The following NPHP4 variants were observed in gnomAD, a reference collection of about 807,000 sequenced individuals.
NPHP4 encodes nephrocystin-4.
In NPHP4, 151 loss-of-function variants were observed where a neutral mutation model predicts 155.8. That is an observed-to-expected ratio of 0.97 (90% CI 0.85 to 1.11). The LOEUF is 1.11. NPHP4 is among the 50% of genes least tolerant of loss of function. The pLI is 0.00. For synonymous variants in NPHP4, 845 were observed against 816.8 expected (o/e 1.03, Z -0.59); for missense variants, 1,956 against 1,925.7 (o/e 1.02, Z -0.29).
At chr1:5,950,167 T>C (rs771875048) in intron 7 of NPHP4, among the ~76,000 whole-genome samples, 16 of 152,176 alleles carry the variant, frequency 1.1e-4, no homozygotes, top group African/African-American at 3.9e-4. Context: ...AAGACCTCTT[T>C]GACTACTGAG....
At position 5,891,713 on chromosome 1, in the gene NPHP4, T is replaced by C. The variant is rs543996510; in HGVS notation, c.2144-685A>G. Among the ~76,000 whole-genome samples the C allele has an allele frequency of 9.5e-4, 145 of 152,344 alleles. 2 individuals carry two copies. The highest frequency in any genetic ancestry group is 3.3e-3 in the African/African-American group (138 of 41,570). Reference sequence around the variant, plus strand: ...ATTTCAAAACAACATTATTTCTCTTTCTATCAATAATGGTGACAACATTCC... The same window carrying C: ...ATTTCAAAACAACATTATTTCTCTTCCTATCAATAATGGTGACAACATTCC... On this transcript the variant is annotated intron_variant, in intron 16 of 29. Coordinates refer to ENST00000378156, the MANE Select transcript of NPHP4 (RefSeq NM_015102.5).
chr1:5,949,988 C>T (rs1647654793), intron 7 of NPHP4, among the ~76,000 whole-genome samples: 2 of 152,106 alleles, frequency 1.3e-5, no homozygotes, highest in Admixed American at 1.3e-4. Context: ...AGGTTTTAAA[C>T]ACAGAAGAAA....
At chr1:5,987,001 C>T (rs1655584930) in intron 1 of NPHP4, among the ~76,000 whole-genome samples, 1 of 151,904 alleles carries the variant, frequency 6.6e-6, no homozygotes, top group Non-Finnish European at 1.5e-5. Flanking sequence ...CCCGGGGCCA[C>T]CTTAGGACAC....
intron 11 of NPHP4, among the ~76,000 whole-genome samples, chr1:5,924,288 T>A (rs997385431): frequency 1.3e-5 from 2 of 151,956 alleles, no homozygotes; most frequent in Non-Finnish European, 2.9e-5. Context: ...GGCCTCTGAA[T>A]GAGAGGATGA....
In NPHP4 at chr1:5,864,545, GC is replaced by G. The variant is rs746951543; in HGVS notation, c.3817-29del. ...TCAAGAGCGAGAGAGGCGGGTCAGA[GC>G]ACAGCCTCTCAGGATGTGCAAGCAA... On this transcript the variant is annotated intron_variant, in intron 27 of 29. Coordinates refer to ENST00000378156, the MANE Select transcript of NPHP4 (RefSeq NM_015102.5). 55 of 1,486,446 alleles carry G rather than the reference GC, an allele frequency of 3.7e-5. No individual in the cohort carries two copies. The East Asian group carries it at 1.3e-3, about 35-fold the overall frequency. The allele number at this position is 1,486,446 out of a possible 1,614,324, so 92.1% of individuals were successfully genotyped here. A position where few individuals can be genotyped will look rare whatever the true frequency, so the allele number is the denominator to read the frequency against.
chr1:5,925,885 G>A (rs1461746379), intron 11 of NPHP4, among the ~76,000 whole-genome samples: 1 of 152,200 alleles, frequency 6.6e-6, no homozygotes, highest in Non-Finnish European at 1.5e-5. Flanking sequence ...AAAGTGCTGG[G>A]ATTACAGGCG....
chr1:5,953,019 C>A (rs919464419), intron 6 of NPHP4, among the ~76,000 whole-genome samples, 183 bp from the exon 7 acceptor site: 3 of 152,164 alleles, frequency 2.0e-5, no homozygotes, highest in African/African-American at 7.2e-5. Flanking sequence ...ATACAGATTT[C>A]ATTGGCAGTC....
At position 5,905,878 on chromosome 1, in the gene NPHP4, G is replaced by A. The variant is rs1402635343; in HGVS notation, c.1612-95C>T. ...ATCTAAGGGGATTCATCGATTAATT[G>A]CCTCTGGAGGGTTGCCAGCTCTAGC... On this transcript the variant is annotated intron_variant, in intron 13 of 29. Coordinates refer to ENST00000378156, the MANE Select transcript of NPHP4 (RefSeq NM_015102.5). The surrounding 1 kb of genome is among the most constrained non-coding windows in gnomAD (Gnocchi z 4.0). 1 of 1,201,808 alleles carries A rather than the reference G, an allele frequency of 8.3e-7. No individual in the cohort carries two copies. Among genetic ancestry groups the A allele is most frequent in the African/African-American group, 1.5e-5 (1 of 65,192 alleles). 74.4% of individuals were successfully genotyped at this position (1,201,808 alleles called of 1,614,324 possible).
At chr1:5,886,062 A>G (rs1341911786) in intron 18 of NPHP4, among the ~76,000 whole-genome samples, 2 of 152,228 alleles carry the variant, frequency 1.3e-5, no homozygotes, top group African/African-American at 2.4e-5. Flanking sequence ...TTCTGAAGAT[A>G]AGATTTTAAA....
At chr1:5,887,002 G>A in intron 18 of NPHP4, 1 of 413,204 alleles carries the variant, frequency 2.4e-6, no homozygotes, top group Non-Finnish European at 4.4e-6. Flanking sequence ...TTTGAGGACT[G>A]TCCCGGAGAT....
chr1:5,965,032 C>T (rs1651217667), intron 5 of NPHP4, among the ~76,000 whole-genome samples: 1 of 146,664 alleles, frequency 6.8e-6, no homozygotes, highest in African/African-American at 2.5e-5. Context: ...CTCCTGGGCT[C>T]AGCAATCCTC....
chr1:5,988,733 G>T (rs936447351), intron 1 of NPHP4, among the ~76,000 whole-genome samples: 9 of 151,442 alleles, frequency 5.9e-5, no homozygotes, highest in African/African-American at 2.2e-4. Flanking sequence ...TGACCAGGCA[G>T]CCTGAGAGGG....
At chr1:5,938,686 C>T (rs776079639) in intron 9 of NPHP4, among the ~76,000 whole-genome samples, 18 of 152,260 alleles carry the variant, frequency 1.2e-4, no homozygotes, top group Non-Finnish European at 2.4e-4. Flanking sequence ...GCGCAGCTGG[C>T]TGCCAGCACT....
At chr1:5,946,212 T>C (rs970651293) in intron 9 of NPHP4, among the ~76,000 whole-genome samples, 4 of 152,234 alleles carry the variant, frequency 2.6e-5, no homozygotes, top group African/African-American at 9.6e-5. Context: ...ACTGCATTAT[T>C]GACTTTTTCA....
At chr1:5,974,024 G>C (rs534121150) in intron 3 of NPHP4, among the ~76,000 whole-genome samples, 7 of 152,370 alleles carry the variant, frequency 4.6e-5, no homozygotes, top group African/African-American at 1.7e-4. Context: ...AGGGCTTCCT[G>C]CAAGCTCCAG....
chr1:5,918,884 T>C (rs1310092559), intron 11 of NPHP4, among the ~76,000 whole-genome samples: 1 of 152,220 alleles, frequency 6.6e-6, no homozygotes, highest in Non-Finnish European at 1.5e-5. Flanking sequence ...AGAGAAGTTT[T>C]ATCAGACCTT....
intron 16 of NPHP4, among the ~76,000 whole-genome samples, chr1:5,893,904 T>A (rs1043761946): frequency 2.0e-5 from 3 of 152,334 alleles, no homozygotes; most frequent in African/African-American, 7.2e-5. Context: ...AGGCTCACAC[T>A]CTTGTCTTCT....
chr1:5,864,116 C>T (rs1640931942), intron 28 of NPHP4, 83 bp from the exon 29 acceptor site: 1 of 1,502,364 alleles, frequency 6.7e-7, no homozygotes, highest in African/African-American at 1.4e-5. Flanking sequence ...CCCTGAGTCT[C>T]CTGTGCACCG....
chr1:5,981,778 G>A (rs974690469), intron 2 of NPHP4, among the ~76,000 whole-genome samples: 11 of 152,086 alleles, frequency 7.2e-5, no homozygotes, highest in African/African-American at 2.7e-4. Context: ...TTGCATTCCT[G>A]CAGTAAGCCC....
Sources: gnomAD v4.1 joint callset for allele counts (sites outside exome capture counted in the v4.1 genomes callset) on GRCh38, gnomAD v4.1.1 for gene constraint, Gnocchi (gnomAD v3.1) non-coding constraint, MANE v1.5 for transcripts, NCBI Gene and HGNC (gene_info 2026-07-23, HGNC 2026-07-21) for gene names.